TRDMT1: variants seen among roughly 807,000 people sequenced by gnomAD.
TRDMT1 encodes tRNA aspartic acid methyltransferase 1, also known as tRNA (cytosine(38)-C(5))-methyltransferase.
TRDMT1 carries 49 observed loss-of-function variants against 51.2 expected under a neutral mutation model. The ratio of observed to expected loss-of-function variants is 0.96; its 90% CI spans 0.76 to 1.21. The LOEUF (loss-of-function observed/expected upper bound fraction) is 1.21. Ranked by LOEUF, TRDMT1 falls within the 50% of genes most tolerant of loss-of-function variation. The pLI is 0.00. For missense variants in TRDMT1, 534 were observed against 462.3 expected, an observed-to-expected ratio of 1.16 and a Z score of -1.42; for synonymous variants, 187 against 164.6, an observed-to-expected ratio of 1.14 and a Z score of -1.04.
rs1281785408 is a variant in TRDMT1, at chr10:17,145,934, A to C, written c.*3106T>G. 1 of 985,294 alleles carries C rather than the reference A, an allele frequency of 1.0e-6. No individual in the cohort carries two copies. Among genetic ancestry groups the C allele is most frequent in the Non-Finnish European group, 1.2e-6 (1 of 829,936 alleles). The allele number at this position is 985,294 out of a possible 1,614,324, so 61.0% of individuals were successfully genotyped here. On this transcript the variant is annotated 3_prime_UTR_variant, in exon 11 of 11. Coordinates refer to ENST00000377799, the MANE Select transcript of TRDMT1 (RefSeq NM_004412.7). ...CATTTCTCTCTCCTCAGAAGTCTCC[A>C]GCTTAATCACTCTAGACCTCAACTA... is the stretch of plus-strand genomic sequence containing the variant.
chr10:17,189,742 T>C (rs908100187), intron 1 of TRDMT1, among the ~76,000 whole-genome samples: 18 of 152,132 alleles, frequency 1.2e-4, no homozygotes, highest in African/African-American at 3.9e-4. Flanking sequence ...TAACATATGA[T>C]TTCAATTTAA....
rs72775076 is a variant in TRDMT1 at position 17,180,555 on chromosome 10, A to C, written c.65-5895T>G. ...ACTCTGTCTCAAAAAAAAAAAAAAA[A>C]AACTCTCTTTCCATATTCGGTACAG... is the stretch of plus-strand genomic sequence containing the variant. On this transcript the variant is annotated intron_variant, in intron 1 of 10. Coordinates refer to ENST00000377799, the MANE Select transcript of TRDMT1 (RefSeq NM_004412.7). Among the ~76,000 whole-genome samples, 145 of 148,342 alleles carry C rather than the reference A, an allele frequency of 9.8e-4. 1 individual carries two copies. Among genetic ancestry groups the C allele is most frequent in the Middle Eastern group, 7.1e-3 (2 of 280 alleles).
chr10:17,153,202 G>A (rs1485561356), intron 10 of TRDMT1: 1 of 434,164 alleles, frequency 2.3e-6, no homozygotes, highest in African/African-American at 2.0e-5. Flanking sequence ...AAATAAGCTG[G>A]AAAGGGGATG....
Position 17,149,118 on chromosome 10 carries a change from C to A in TRDMT1, c.1098G>T (p.Val366=), listed in dbSNP as rs768531270. ...TTCCAAGTAGGCGATAACGCTGTTT[C>A]ACTGTTATCTTCTCAGGAAATCCTA... ...PEFGFPEKIT[V]KQRYRLLGNS... Residue 366 remains valine, a synonymous_variant, in exon 11 of 11, where the codon GTG becomes GTT. Coordinates refer to ENST00000377799, the MANE Select transcript of TRDMT1 (RefSeq NM_004412.7). 2 of 1,610,822 alleles carry A rather than the reference C, an allele frequency of 1.2e-6. No homozygotes were observed. The highest frequency in any genetic ancestry group is 1.7e-6 in the Non-Finnish European group (2 of 1,178,684).
chr10:17,150,620 AAGTT>A, intron 10 of TRDMT1: 1 of 985,254 alleles, frequency 1.0e-6, no homozygotes, highest in Non-Finnish European at 1.2e-6. Context: ...AAGGAAAAAT[AAGTT>A]AGATAAGAAA....
In TRDMT1 at chr10:17,151,062, T is replaced by G. The variant is rs116725155; in HGVS notation, c.1076-1922A>C. 1.7e-3 allele frequency: 1,634 copies of G among 935,614 alleles called. 22 individuals carry two copies. The African/African-American group carries it at 0.027, about 15-fold the overall frequency. The allele number at this position is 935,614 out of a possible 1,614,324, so 58.0% of individuals were successfully genotyped here. On this transcript the variant is annotated intron_variant, in intron 10 of 10. Coordinates refer to ENST00000377799, the MANE Select transcript of TRDMT1 (RefSeq NM_004412.7). ...ATTTCTTTAAATCTAAATTATTAGG[T>G]TGGTGCAAAAGCATTGCAGTTTTTG... is the stretch of plus-strand genomic sequence containing the variant.
intron 3 of TRDMT1, 38 bp from the exon 4 acceptor site, chr10:17,162,275 CAG>C (rs760198326): frequency 8.7e-6 from 13 of 1,491,758 alleles, no homozygotes; most frequent in African/African-American, 7.4e-5. Context: ...AAAAAAAACA[CAG>C]AAAGTTTATT....
At chr10:17,151,323 G>A in intron 10 of TRDMT1, 1 of 985,294 alleles carries the variant, frequency 1.0e-6, no homozygotes, top group Non-Finnish European at 1.2e-6. Context: ...GATGAACAAG[G>A]TCAAGATATC....
rs576574484 is a variant in TRDMT1, at chr10:17,142,076, A to T, written c.*6964T>A. Among the ~76,000 whole-genome samples, 1 of 152,244 alleles carries T rather than the reference A, an allele frequency of 6.6e-6. No homozygotes were observed. The highest frequency in any genetic ancestry group is 2.1e-4 in the South Asian group (1 of 4,832). On this transcript the variant is annotated 3_prime_UTR_variant, in exon 11 of 11. Coordinates refer to ENST00000377799, the MANE Select transcript of TRDMT1 (RefSeq NM_004412.7). Reference sequence around the variant, plus strand: ...TATTTTTTGTGGCAAGACAACTTGTAATTACCTGTTGAAGCATTTTTATGA... The same window carrying T: ...TATTTTTTGTGGCAAGACAACTTGTTATTACCTGTTGAAGCATTTTTATGA...
At chr10:17,171,128 T>TGTGC (rs1413061373) in intron 2 of TRDMT1, among the ~76,000 whole-genome samples, 1 of 151,838 alleles carries the variant, frequency 6.6e-6, no homozygotes, top group Non-Finnish European at 1.5e-5. Context: ...TGTGTGTGTG[T>TGTGC]GTGTGTGTGT....
chr10:17,168,909 T>G lies in TRDMT1; in HGVS notation c.183A>C (p.Thr61=). 6.2e-7 allele frequency: 1 copy of G among 1,609,620 alleles called. No individual in the cohort carries two copies. The change falls in exon 3 of 11, where the codon ACA becomes ACC. Residue 61 remains threonine (T), a synonymous_variant. Transcript: ENST00000377799. ...AAGATAATCTGTCAAACTCTTCGAG[T>G]GTAATGCCCTGAGGAATGAACATTT... ...QLLAKTIEGI[T]LEEFDRLSFD...
In TRDMT1 at chr10:17,146,711, C is replaced by T. The variant is rs923889053; in HGVS notation, c.*2329G>A. The T allele has an allele frequency of 3.0e-6, 3 of 985,294 alleles. No individual in the cohort carries two copies. In the African/African-American group the frequency reaches 5.2e-5, roughly 17 times the overall value. The allele number at this position is 985,294 out of a possible 1,614,324, so 61.0% of individuals were successfully genotyped here. The stretch of plus-strand genomic sequence containing the variant: ...GAAAATGAGAAGCTATGTTTTCCAA[C>T]ATCTGAATAAATGTACAAGTCCAAA... On this transcript the variant is annotated 3_prime_UTR_variant, in exon 11 of 11. Coordinates refer to ENST00000377799, the MANE Select transcript of TRDMT1 (RefSeq NM_004412.7).
intron 10 of TRDMT1, chr10:17,151,460 A>G (rs1407332462): frequency 6.2e-6 from 6 of 970,026 alleles, no homozygotes; most frequent in Non-Finnish European, 7.4e-6. Context: ...CATTGCCAGT[A>G]GACAAACAGC....
chr10:17,151,763 T>A, intron 10 of TRDMT1: 1 of 825,516 alleles, frequency 1.2e-6, no homozygotes, highest in Non-Finnish European at 1.5e-6. Flanking sequence ...ATTCTAAAAA[T>A]GAAAGCTAAA....
chr10:17,138,436 T>C lies in TRDMT1; in HGVS notation c.*10604A>G, dbSNP rs1325416411. Among the ~76,000 whole-genome samples the C allele has an allele frequency of 6.6e-6, 1 of 152,180 alleles. No individual in the cohort carries two copies. The highest frequency in any genetic ancestry group is 1.9e-4 in the East Asian group (1 of 5,194). On this transcript the variant is annotated 3_prime_UTR_variant, in exon 11 of 11. Coordinates refer to ENST00000377799, the MANE Select transcript of TRDMT1 (RefSeq NM_004412.7). ...CAATTCTTTCATTTTCCATGAAGGA[T>C]TACATAAAATAATGATGGAAATCAA...
intron 1 of TRDMT1, among the ~76,000 whole-genome samples, chr10:17,190,500 A>T (rs901060572): frequency 1.3e-5 from 2 of 152,122 alleles, no homozygotes; most frequent in African/African-American, 4.8e-5. Context: ...ATATGATTTA[A>T]ATTTTACAGT....
rs556069761 is a variant in TRDMT1 at position 17,148,053 on chromosome 10, C to T, written c.*987G>A. On this transcript the variant is annotated 3_prime_UTR_variant, in exon 11 of 11. Transcript: ENST00000377799. The stretch of plus-strand genomic sequence containing the variant: ...TTCTTTTCATCTCTCTTCTCTTTGT[C>T]ACTTGCTTTTATCACAAACCATAGA... 18 of 985,138 alleles carry T rather than the reference C, an allele frequency of 1.8e-5. No individual in the cohort carries two copies. Among genetic ancestry groups the T allele is most frequent in the Non-Finnish European group, 2.0e-5 (17 of 829,804 alleles). The allele number at this position is 985,138 out of a possible 1,614,324, so 61.0% of individuals were successfully genotyped here.
intron 2 of TRDMT1, among the ~76,000 whole-genome samples, chr10:17,170,781 T>C (rs923172618): frequency 6.6e-6 from 1 of 152,100 alleles, no homozygotes; most frequent in African/African-American, 2.4e-5. Flanking sequence ...GTGTTGTTAC[T>C]AAAAATAGGA....
chr10:17,167,765 C>A (rs1453453477), intron 3 of TRDMT1, among the ~76,000 whole-genome samples: 2 of 152,076 alleles, frequency 1.3e-5, no homozygotes, highest in African/African-American at 4.8e-5. Flanking sequence ...TTAAATTGTA[C>A]AATTAAGCAA....
Sources: allele counts gnomAD v4.1 joint callset (sites outside exome capture counted in the v4.1 genomes callset), GRCh38; gene constraint gnomAD v4.1.1; transcripts MANE v1.5; gene names NCBI Gene and HGNC (gene_info 2026-07-23, HGNC 2026-07-21).